The following SFMBT2 variants were observed in gnomAD, a reference collection of about 807,000 sequenced individuals.
The protein encoded by SFMBT2 is scm-like with four MBT domains protein 2.
In SFMBT2, 38 loss-of-function variants were observed where a neutral mutation model predicts 110.1. The ratio of observed to expected loss-of-function variants is 0.35; its 90% confidence interval spans 0.27 to 0.45. The LOEUF is 0.45. SFMBT2 is among the 20% of genes least tolerant of loss of function. The pLI, the probability that SFMBT2 is intolerant of heterozygous loss-of-function variation, is 1.00. For missense variants in SFMBT2, 1,011 were observed against 1,094.9 expected, an observed-to-expected ratio of 0.92 and a Z score of 1.08; for synonymous variants, 425 against 425.4, an observed-to-expected ratio of 1.00 and a Z score of 0.01.
At chr10:7,370,134 T>G (rs1564462371) in intron 3 of SFMBT2, 147 bp downstream of exon 3, 4 of 631,524 alleles carry the variant, frequency 6.3e-6, no homozygotes, top group Non-Finnish European at 1.1e-5. Flanking sequence ...CCCAAAGTGC[T>G]GGGATTACAG....
At chr10:7,390,517 C>T (rs1321774831) in intron 1 of SFMBT2, among the ~76,000 whole-genome samples, 1 of 152,080 alleles carries the variant, frequency 6.6e-6, no homozygotes, top group Non-Finnish European at 1.5e-5. Context: ...GAAACTATTA[C>T]GTGTGTCATA....
intron 16 of SFMBT2, among the ~76,000 whole-genome samples, chr10:7,181,717 C>T (rs1365567256): frequency 2.0e-5 from 3 of 152,148 alleles, no homozygotes; most frequent in Admixed American, 1.3e-4. Context: ...AAATCCAACT[C>T]CAACCTGAAC....
At chr10:7,375,605 A>G (rs532571376) in intron 2 of SFMBT2, among the ~76,000 whole-genome samples, 31 of 152,330 alleles carry the variant, frequency 2.0e-4, no homozygotes, top group Non-Finnish European at 3.8e-4. Context: ...CAAACAACTC[A>G]GAAAGGAACC....
intron 2 of SFMBT2, among the ~76,000 whole-genome samples, chr10:7,372,938 C>T (rs2132062371): frequency 6.6e-6 from 1 of 152,220 alleles, no homozygotes; most frequent in East Asian, 1.9e-4. Flanking sequence ...ACAAAGCAGC[C>T]ACCGCCCTCC....
intron 4 of SFMBT2, among the ~76,000 whole-genome samples, chr10:7,358,050 C>T (rs1844576782): frequency 6.6e-6 from 1 of 151,976 alleles, no homozygotes; most frequent in South Asian, 2.1e-4. Flanking sequence ...GTGACATCAA[C>T]ATGGCCCTAG....
At chr10:7,310,130 C>A (rs1842808856) in intron 4 of SFMBT2, among the ~76,000 whole-genome samples, 2 of 152,202 alleles carry the variant, frequency 1.3e-5, no homozygotes, top group Admixed American at 1.3e-4. Context: ...TAGTTGGGAA[C>A]CACTGGTTTA....
At chr10:7,238,553 G>A (rs1400456861) in intron 9 of SFMBT2, among the ~76,000 whole-genome samples, 6 of 152,142 alleles carry the variant, frequency 3.9e-5, no homozygotes, top group Non-Finnish European at 7.3e-5. Flanking sequence ...AAGAGAATAC[G>A]ACTTACGGTT....
chr10:7,181,279 A>G (rs1404894745), intron 16 of SFMBT2, among the ~76,000 whole-genome samples: 2 of 151,996 alleles, frequency 1.3e-5, no homozygotes, highest in African/African-American at 4.8e-5. Context: ...CCCTAATCAG[A>G]AAATCTGAAA....
At chr10:7,314,705 C>T (rs976150512) in intron 4 of SFMBT2, among the ~76,000 whole-genome samples, 1 of 151,938 alleles carries the variant, frequency 6.6e-6, no homozygotes, top group African/African-American at 2.4e-5. Flanking sequence ...GTCAGGAGTT[C>T]GAGACCAGCC....
At chr10:7,298,272 A>C (rs1411263615) in intron 4 of SFMBT2, among the ~76,000 whole-genome samples, 1 of 152,156 alleles carries the variant, frequency 6.6e-6, no homozygotes, top group African/African-American at 2.4e-5. Flanking sequence ...TCTCGCTCCA[A>C]ACCCTGACCA....
At chr10:7,200,532 G>T in intron 13 of SFMBT2, 48 bp from the exon 14 acceptor site, 1 of 1,482,340 alleles carries the variant, frequency 6.7e-7, no homozygotes, top group Non-Finnish European at 9.2e-7. Flanking sequence ...GCTTTAGAAG[G>T]AACTACTACA....
intron 1 of SFMBT2, among the ~76,000 whole-genome samples, chr10:7,403,307 A>G (rs914974610): frequency 1.3e-5 from 2 of 152,220 alleles, no homozygotes; most frequent in African/African-American, 4.8e-5. Flanking sequence ...AAATAAATAT[A>G]ACAGCCCCCA....
chr10:7,393,890 C>A (rs1845849231), intron 1 of SFMBT2, among the ~76,000 whole-genome samples: 1 of 152,170 alleles, frequency 6.6e-6, no homozygotes, highest in African/African-American at 2.4e-5. Flanking sequence ...CAGCTCCAGG[C>A]CACTACATCA....
chr10:7,385,089 C>T (rs1845553501), intron 1 of SFMBT2, among the ~76,000 whole-genome samples: 1 of 152,118 alleles, frequency 6.6e-6, no homozygotes, highest in Admixed American at 6.6e-5. Flanking sequence ...ATGCAGGGAG[C>T]GAGCACTGAG....
At chr10:7,381,074 T>TACAC (rs1342956447) in intron 2 of SFMBT2, among the ~76,000 whole-genome samples, 2 of 102,870 alleles carry the variant, frequency 1.9e-5, no homozygotes, top group African/African-American at 9.6e-5. Context: ...CATACACACA[T>TACAC]ACATACATAC....
intron 4 of SFMBT2, among the ~76,000 whole-genome samples, chr10:7,361,233 C>A (rs995279426): frequency 9.2e-5 from 14 of 152,000 alleles, no homozygotes; most frequent in Admixed American, 7.9e-4. Context: ...GTCAGATAAC[C>A]AAAGAAAATA....
At chr10:7,363,548 A>G (rs1844794678) in intron 4 of SFMBT2, among the ~76,000 whole-genome samples, 1 of 151,986 alleles carries the variant, frequency 6.6e-6, no homozygotes, top group African/African-American at 2.4e-5. Flanking sequence ...GAGTTTCACC[A>G]TGTTGGCCAG....
At chr10:7,365,250 C>T (rs1318671994) in intron 4 of SFMBT2, among the ~76,000 whole-genome samples, 1 of 152,236 alleles carries the variant, frequency 6.6e-6, no homozygotes, top group African/African-American at 2.4e-5. Flanking sequence ...GAAATCCAGG[C>T]TCGCATGTCC....
intron 11 of SFMBT2, among the ~76,000 whole-genome samples, chr10:7,216,874 C>G (rs1339847164): frequency 6.6e-6 from 1 of 152,176 alleles, no homozygotes; most frequent in Non-Finnish European, 1.5e-5. Flanking sequence ...GGGACACTTC[C>G]AAGGAAGCCG....
Sources: allele counts gnomAD v4.1 joint callset (sites outside exome capture counted in the v4.1 genomes callset), GRCh38; gene constraint gnomAD v4.1.1; transcripts MANE v1.5; gene names NCBI Gene and HGNC (gene_info 2026-07-23, HGNC 2026-07-21).